ZSCAN5A: variants seen among roughly 807,000 people sequenced by gnomAD.
ZSCAN5A encodes the protein zinc finger and SCAN domain-containing protein 5A.
ZSCAN5A carries 12 observed loss-of-function variants against 23.7 expected under a neutral mutation model. That is an observed-to-expected ratio of 0.51 (90% CI 0.32 to 0.82). The LOEUF (loss-of-function observed/expected upper bound fraction) is 0.82. ZSCAN5A is among the 40% of genes least tolerant of loss of function. ZSCAN5A has a pLI of 0.03. For synonymous variants in ZSCAN5A, 257 were observed against 239.9 expected (o/e 1.07, Z -0.66); for missense variants, 597 against 617.9 (o/e 0.97, Z 0.36).
At chr19:56,338,272 T>A (rs1396277092) in intron 2 of ZSCAN5A, 1 of 152,226 alleles carries the variant, frequency 6.6e-6, no homozygotes, top group Non-Finnish European at 1.5e-5. Context: ...TTAATCTAAA[T>A]ATAGTATAGT....
chr19:56,333,852 G>GA (rs1030958401), intron 2 of ZSCAN5A, among the ~76,000 whole-genome samples: 1 of 148,380 alleles, frequency 6.7e-6, no homozygotes, highest in African/African-American at 2.5e-5. Flanking sequence ...AAAGGAAAAA[G>GA]AAAAATATAT....
intron 2 of ZSCAN5A, among the ~76,000 whole-genome samples, chr19:56,253,965 AGCTAGATG>A (rs1162211510): frequency 1.3e-5 from 2 of 152,218 alleles, no homozygotes; most frequent in Non-Finnish European, 2.9e-5. Context: ...AACAGATAAC[AGCTAGATG>A]GTTCTGCTTC....
At chr19:56,227,432 C>T (rs1302712348) in intron 2 of ZSCAN5A, among the ~76,000 whole-genome samples, 1 of 152,088 alleles carries the variant, frequency 6.6e-6, no homozygotes, top group Admixed American at 6.6e-5. Context: ...GAGGCAGAGG[C>T]GGAGGTGGGA....
chr19:56,304,896 A>G, intron 2 of ZSCAN5A: 1 of 609,702 alleles, frequency 1.6e-6, no homozygotes, highest in Non-Finnish European at 2.1e-6. Context: ...GTTCATCCCA[A>G]CTGCCTGGCA....
chr19:56,341,702 CAAAAA>C (rs1175628460), intron 2 of ZSCAN5A, among the ~76,000 whole-genome samples: 1,869 of 53,824 alleles, frequency 0.035, 24 homozygotes, highest in African/African-American at 0.098. Context: ...TACCAAAAGG[CAAAAA>C]AAAAAAAAAA....
chr19:56,308,170 A>C (rs2147341320), intron 2 of ZSCAN5A, among the ~76,000 whole-genome samples: 1 of 152,274 alleles, frequency 6.6e-6, no homozygotes, highest in South Asian at 2.1e-4. Context: ...AGTAGCTGGG[A>C]CTACAGGCGA....
chr19:56,232,229 G>C (rs1346747620), intron 2 of ZSCAN5A, among the ~76,000 whole-genome samples: 1 of 151,888 alleles, frequency 6.6e-6, no homozygotes. Flanking sequence ...ACCTGCTTTT[G>C]CCTCCCAAAG....
intron 2 of ZSCAN5A, among the ~76,000 whole-genome samples, chr19:56,267,072 C>G (rs2146917011): frequency 6.6e-6 from 1 of 152,204 alleles, no homozygotes; most frequent in South Asian, 2.1e-4. Flanking sequence ...ACTCTTACCC[C>G]AGATCTTCAT....
At chr19:56,243,408 G>C (rs2035588675) in intron 2 of ZSCAN5A, among the ~76,000 whole-genome samples, 1 of 117,908 alleles carries the variant, frequency 8.5e-6, no homozygotes, top group Non-Finnish European at 1.9e-5. Context: ...AGCAATATCT[G>C]TGTAGGAGTT....
rs1459501681 is a variant in ZSCAN5A, at chr19:56,303,022, G to C, written c.-128+10261C>G. ...AGGCAGTGGCGCTTATCTCAGCCTA[G>C]GGGAAGTGTGGGCTCATGGAAGCCT... On this transcript the variant is annotated intron_variant, in intron 2 of 5. Coordinates refer to ENST00000683990, the MANE Select transcript of ZSCAN5A (RefSeq NM_001322064.3). 1.0e-5 allele frequency: 4 copies of C among 396,054 alleles called. No homozygotes were observed. In the Admixed American group the frequency reaches 1.8e-4, roughly 18 times the overall value. The allele number at this position is 396,054 out of a possible 1,614,324, so 24.5% of individuals were successfully genotyped here.
chr19:56,342,403 G>T (rs796969555), intron 2 of ZSCAN5A: 54 of 277,578 alleles, frequency 1.9e-4, no homozygotes, highest in African/African-American at 1.2e-3. Context: ...CCTTAGTTTA[G>T]TAAAAGAAAA....
rs961841807 is a variant in ZSCAN5A, at chr19:56,352,059, C to T, written c.-358+11176G>A. Among the ~76,000 whole-genome samples, 14 of 152,208 alleles carry T rather than the reference C, an allele frequency of 9.2e-5. No homozygotes were observed. The highest frequency in any genetic ancestry group is 5.8e-4 in the East Asian group (3 of 5,180). On this transcript the variant is annotated intron_variant, in intron 2 of 6. Transcript: ENST00000587340. The surrounding 1 kb of genome is among the most constrained non-coding windows in gnomAD (Gnocchi z 4.2). ...GATGGAGTGCCTTCTTTATGCCCTG[C>T]GCTTGGGTATGCTTTGGTGGATAGT...
chr19:56,250,682 A>C (rs1266516217), intron 2 of ZSCAN5A, among the ~76,000 whole-genome samples: 1 of 152,236 alleles, frequency 6.6e-6, no homozygotes, highest in Non-Finnish European at 1.5e-5. Context: ...TTTCTTACCC[A>C]GAATGCTACA....
upstream of ZSCAN5A, among the ~76,000 whole-genome samples, chr19:56,319,627 A>G (rs953113664): frequency 1.3e-5 from 2 of 152,014 alleles, no homozygotes; most frequent in Non-Finnish European, 1.5e-5. Context: ...TTTAGCATTT[A>G]GCAGATTTTA....
chr19:56,256,923 G>T (rs2036739542), intron 2 of ZSCAN5A, among the ~76,000 whole-genome samples: 1 of 152,158 alleles, frequency 6.6e-6, no homozygotes, highest in African/African-American at 2.4e-5. Context: ...GCAAACAGGT[G>T]GTTCTGGGAT....
intron 2 of ZSCAN5A, among the ~76,000 whole-genome samples, chr19:56,271,956 T>C (rs767589455): frequency 2.0e-5 from 3 of 152,220 alleles, no homozygotes; most frequent in Non-Finnish European, 2.9e-5. Context: ...GTGGCTGCTA[T>C]GAAAAATTAT....
In ZSCAN5A at chr19:56,221,874, T is replaced by C. The variant is rs1271546678; in HGVS notation, c.1192A>G (p.Ser398Gly). 1.1e-5 allele frequency: 18 copies of C among 1,614,012 alleles called. No individual in the cohort carries two copies. Among genetic ancestry groups the C allele is most frequent in the Non-Finnish European group, 3.4e-6 (4 of 1,180,018 alleles). ...TGGGTTCGCTGGTGAAATTGGAGGC[T>C]AATAAGCTGCATGAAGCGCTTCCCA... is the stretch of plus-strand genomic sequence containing the variant. ...LCGKRFMQLISLQFHQRTHTG... is the reference protein window; with the variant it reads ...LCGKRFMQLIGLQFHQRTHTG... Residue 398 changes from serine to glycine, a missense_variant, in exon 6 of 6, where the codon AGC becomes GGC. By Grantham distance (56) the Ser-to-Gly change is moderately conservative. Transcript: ENST00000683990.
intron 2 of ZSCAN5A, among the ~76,000 whole-genome samples, chr19:56,329,156 CT>C (rs1438953892): frequency 6.6e-6 from 1 of 152,002 alleles, no homozygotes; most frequent in Admixed American, 6.6e-5. Context: ...TGAGACCAAC[CT>C]GGCTAACATG....
At chr19:56,244,860 C>A (rs1284430070) in intron 2 of ZSCAN5A, among the ~76,000 whole-genome samples, 1 of 151,602 alleles carries the variant, frequency 6.6e-6, no homozygotes, top group East Asian at 1.9e-4. Flanking sequence ...GGAGTCCCAT[C>A]CTGAAGCAGG....
Sources: gnomAD v4.1 joint callset for allele counts (sites outside exome capture counted in the v4.1 genomes callset) on GRCh38, gnomAD v4.1.1 for gene constraint, Gnocchi (gnomAD v3.1) non-coding constraint, MANE v1.5 for transcripts, NCBI Gene and HGNC (gene_info 2026-07-23, HGNC 2026-07-21) for gene names.